DPYSL2: variants seen among roughly 807,000 people sequenced by gnomAD.
DPYSL2 encodes the protein dihydropyrimidinase-related protein 2.
In DPYSL2, 13 loss-of-function variants were observed where a neutral mutation model predicts 69.9. That is an observed-to-expected ratio of 0.19 (90% CI 0.12 to 0.30). The LOEUF is 0.30. DPYSL2 is among the 10% of genes least tolerant of loss of function. The probability of loss-of-function intolerance (pLI) is 1.00; values close to 1 mark genes in which losing one functional copy is unlikely to be tolerated. For missense variants in DPYSL2, 587 were observed against 918.9 expected (o/e 0.64, Z 4.67); for synonymous variants, 326 against 359.1 (o/e 0.91, Z 1.04).
chr8:26,609,027 A>C lies in DPYSL2; in HGVS notation c.629-15116A>C, dbSNP rs1280179890. 6.6e-6 allele frequency among the ~76,000 whole-genome samples: 1 copy of C among 152,206 alleles called. No individual in the cohort carries two copies. The highest frequency in any genetic ancestry group is 1.5e-5 in the Non-Finnish European group (1 of 68,038). ...GCGGATCTGTTTTTTTACTCCATGT[A>C]ATGGGACTGTTGCTGCAGCTTTTGT... On this transcript the variant is annotated intron_variant, in intron 3 of 13. Transcript: ENST00000521913. The surrounding 1 kb of genome is among the most constrained non-coding windows in gnomAD (Gnocchi z 6.5).
chr8:26,540,788 C>G (rs953443481), intron 1 of DPYSL2, among the ~76,000 whole-genome samples: 1 of 151,688 alleles, frequency 6.6e-6, no homozygotes, highest in Non-Finnish European at 1.5e-5. Context: ...GCCTGTAATC[C>G]CAGCTACTCA....
Position 26,643,730 on chromosome 8 carries a change from T to G in DPYSL2, c.1283+135T>G, listed in dbSNP as rs137931500. On this transcript the variant is annotated intron_variant, in intron 9 of 13. Transcript: ENST00000521913. The surrounding 1 kb of genome is among the most constrained non-coding windows in gnomAD (Gnocchi z 6.5). ...CCCTTGTTCACCAAACTAGGTTGGC[T>G]ACATGAGTACAGGGAATTGTCATTC... 6.4e-4 allele frequency: 850 copies of G among 1,328,696 alleles called. 6 individuals carry two copies. In the African/African-American group the frequency reaches 0.011, roughly 17 times the overall value. The allele number at this position is 1,328,696 out of a possible 1,614,324, so 82.3% of individuals were successfully genotyped here. A position where few individuals can be genotyped will look rare whatever the true frequency, so the allele number is the denominator to read the frequency against.
At chr8:26,520,708 C>T (rs538767204) in intron 1 of DPYSL2, among the ~76,000 whole-genome samples, 1 of 152,320 alleles carries the variant, frequency 6.6e-6, no homozygotes, top group East Asian at 1.9e-4. Context: ...TGATGTAAAT[C>T]ATTGTCTTAG....
At chr8:26,541,030 A>T (rs1168999304) in intron 1 of DPYSL2, among the ~76,000 whole-genome samples, 1 of 152,154 alleles carries the variant, frequency 6.6e-6, no homozygotes, top group Non-Finnish European at 1.5e-5. Flanking sequence ...GTCCAGATAA[A>T]CCCATCATAA....
intron 3 of DPYSL2, among the ~76,000 whole-genome samples, chr8:26,590,530 G>A (rs113493759): frequency 5.9e-4 from 1 of 1,700 alleles, no homozygotes; most frequent in Non-Finnish European, 1.6e-3. Context: ...CCACCCTCAG[G>A]TGTCACTGCG....
chr8:26,559,582 CT>C (rs768195712), intron 1 of DPYSL2, among the ~76,000 whole-genome samples: 1 of 151,916 alleles, frequency 6.6e-6, no homozygotes, highest in Non-Finnish European at 1.5e-5. Context: ...CATTTAATTT[CT>C]TTTTTTATGA....
intron 1 of DPYSL2, among the ~76,000 whole-genome samples, chr8:26,557,719 G>A (rs1223251040): frequency 2.0e-5 from 3 of 150,502 alleles, no homozygotes; most frequent in African/African-American, 7.3e-5. Context: ...AACCTGGAAA[G>A]TGGAGGTTGT....
chr8:26,608,555 G>A (rs1047914700), intron 3 of DPYSL2, among the ~76,000 whole-genome samples: 8 of 152,318 alleles, frequency 5.3e-5, no homozygotes, highest in African/African-American at 1.7e-4. Flanking sequence ...GGCTGAGTTT[G>A]TGTGGACCCT....
rs1163572661 is a variant in DPYSL2, at chr8:26,641,367, G to T, written c.1127-2072G>T. Reference sequence around the variant, plus strand: ...CAGCCCTCACCTTTGTGCTTAGATGGACTGTGGCCAGCGGGACCTCCAGGC... The same window carrying T: ...CAGCCCTCACCTTTGTGCTTAGATGTACTGTGGCCAGCGGGACCTCCAGGC... On this transcript the variant is annotated intron_variant, in intron 8 of 13. Transcript: ENST00000521913. This position sits in a 1 kb window ranked among gnomAD's most constrained non-coding sequence, Gnocchi z 4.1. Among the ~76,000 whole-genome samples the T allele has an allele frequency of 3.9e-5, 6 of 152,206 alleles. No individual in the cohort carries two copies. Among genetic ancestry groups the T allele is most frequent in the African/African-American group, 1.4e-4 (6 of 41,446 alleles).
In DPYSL2 at chr8:26,643,683, G is replaced by A; in HGVS notation, c.1283+88G>A. 5 of 1,581,018 alleles carry A rather than the reference G, an allele frequency of 3.2e-6. No homozygotes were observed. In the East Asian group the frequency reaches 1.1e-4, roughly 35 times the overall value. On this transcript the variant is annotated intron_variant, in intron 9 of 13. Transcript: ENST00000521913. This position sits in a 1 kb window ranked among gnomAD's most constrained non-coding sequence, Gnocchi z 6.5. ...TAGGCGAAAACAACATGGTGGCCAAGAGCAGCCATAAAACTGGGAGACCCT... is the reference window on the plus strand; with the variant it reads ...TAGGCGAAAACAACATGGTGGCCAAAAGCAGCCATAAAACTGGGAGACCCT...
At chr8:26,595,502 C>T (rs1336093497) in intron 3 of DPYSL2, among the ~76,000 whole-genome samples, 1 of 152,154 alleles carries the variant, frequency 6.6e-6, no homozygotes, top group Non-Finnish European at 1.5e-5. Flanking sequence ...CATTGCTGTG[C>T]TGTTGAATTC....
intron 1 of DPYSL2, among the ~76,000 whole-genome samples, chr8:26,540,552 G>A (rs890308915): frequency 3.3e-5 from 5 of 152,170 alleles, no homozygotes; most frequent in African/African-American, 1.2e-4. Flanking sequence ...AAGACTACAA[G>A]TGCTCCTTAA....
rs1803228632 is a variant in DPYSL2 at position 26,648,977 on chromosome 8, C to T, written c.1596+1177C>T. Among the ~76,000 whole-genome samples, 1 of 152,250 alleles carries T rather than the reference C, an allele frequency of 6.6e-6. No homozygotes were observed. Among genetic ancestry groups the T allele is most frequent in the Admixed American group, 6.5e-5 (1 of 15,288 alleles). ...CGCAGCCTTATGATCGCGCCCCTTA[C>T]AGCCCAGATCATGACTTCTTGGGTG... On this transcript the variant is annotated intron_variant, in intron 11 of 13. Coordinates refer to ENST00000521913, the MANE Select transcript of DPYSL2 (RefSeq NM_001197293.3). The surrounding 1 kb of genome is among the most constrained non-coding windows in gnomAD (Gnocchi z 4.3).
At chr8:26,570,338 T>C (rs146728428) in intron 1 of DPYSL2, among the ~76,000 whole-genome samples, 1 of 152,104 alleles carries the variant, frequency 6.6e-6, no homozygotes, top group African/African-American at 2.4e-5. Flanking sequence ...ATCTAAGGAA[T>C]GTGGACTGGG....
At chr8:26,589,405 C>T (rs1010196116) in intron 3 of DPYSL2, among the ~76,000 whole-genome samples, 1 of 152,346 alleles carries the variant, frequency 6.6e-6, no homozygotes, top group East Asian at 1.9e-4. Context: ...CCTGGGCAGC[C>T]TCACTCCTCA....
Position 26,564,459 on chromosome 8 carries a change from A to T in DPYSL2, c.355-17510A>T, listed in dbSNP as rs1302405593. ...TTGGGAGCAGGCCGGGGTGGGAAAC[A>T]GCATGGATTTGGGAATAATCCTTGA... On this transcript the variant is annotated intron_variant, in intron 1 of 13. Transcript: ENST00000521913. This position sits in a 1 kb window ranked among gnomAD's most constrained non-coding sequence, Gnocchi z 4.8. Among the ~76,000 whole-genome samples the T allele has an allele frequency of 2.6e-5, 4 of 152,198 alleles. No individual in the cohort carries two copies. The highest frequency in any genetic ancestry group is 5.9e-5 in the Non-Finnish European group (4 of 68,036).
chr8:26,572,582 C>T (rs968597078), intron 1 of DPYSL2, among the ~76,000 whole-genome samples: 1 of 152,170 alleles, frequency 6.6e-6, no homozygotes, highest in Admixed American at 6.5e-5. Context: ...TCACTGCAAC[C>T]TCCGTTTCCC....
rs1454946549 is a variant in DPYSL2 at position 26,605,758 on chromosome 8, T to C, written c.629-18385T>C. 6.6e-6 allele frequency among the ~76,000 whole-genome samples: 1 copy of C among 152,108 alleles called. No homozygotes were observed. The highest frequency in any genetic ancestry group is 2.4e-5 in the African/African-American group (1 of 41,416). On this transcript the variant is annotated intron_variant, in intron 3 of 13. Coordinates refer to ENST00000521913, the MANE Select transcript of DPYSL2 (RefSeq NM_001197293.3). This position sits in a 1 kb window ranked among gnomAD's most constrained non-coding sequence, Gnocchi z 4.1. ...ATAGCAACATAAAATATAAAATTAC[T>C]AGGAATTATAAGAATACATTCTTAT...
At chr8:26,574,510 A>T (rs1801295018) in intron 1 of DPYSL2, among the ~76,000 whole-genome samples, 1 of 152,172 alleles carries the variant, frequency 6.6e-6, no homozygotes, top group Non-Finnish European at 1.5e-5. Context: ...TAGTTACTGC[A>T]TCTGGCTCTT....
Sources: allele counts gnomAD v4.1 joint callset (sites outside exome capture counted in the v4.1 genomes callset), GRCh38; gene constraint gnomAD v4.1.1; non-coding constraint Gnocchi (gnomAD v3.1); transcripts MANE v1.5; gene names NCBI Gene and HGNC (gene_info 2026-07-23, HGNC 2026-07-21).